LOXL2: variants seen among roughly 807,000 people sequenced by gnomAD.
The protein encoded by LOXL2 is lysyl oxidase like 2, also known as lysyl oxidase homolog 2.
A neutral mutation model predicts 93.0 loss-of-function variants in LOXL2; 70 were observed. That is an observed-to-expected ratio of 0.75 (90% CI 0.62 to 0.92). The LOEUF (loss-of-function observed/expected upper bound fraction) is 0.92, where lower values mean the gene tolerates loss of function less well. Ranked by LOEUF, LOXL2 falls within the 40% of genes least tolerant of loss-of-function variation. The probability of loss-of-function intolerance (pLI) is 0.00; values close to 1 mark genes in which losing one functional copy is unlikely to be tolerated. For missense variants in LOXL2, 973 were observed against 1,054.9 expected, an observed-to-expected ratio of 0.92 and a Z score of 1.08; for synonymous variants, 438 against 413.2, an observed-to-expected ratio of 1.06 and a Z score of -0.73.
chr8:23,364,947 C>T (rs1024348063), intron 2 of LOXL2: 1 of 152,228 alleles, frequency 6.6e-6, no homozygotes, highest in African/African-American at 2.4e-5. Context: ...ATAGGCTTAG[C>T]CTCCTGATTC....
chr8:23,346,343 C>T (rs1248162903), intron 3 of LOXL2, among the ~76,000 whole-genome samples: 1 of 152,118 alleles, frequency 6.6e-6, no homozygotes, highest in African/African-American at 2.4e-5. Flanking sequence ...CTCCAGAAAG[C>T]TTCCCTCCAA....
chr8:23,386,873 ACAGG>A (rs967593365), intron 1 of LOXL2, among the ~76,000 whole-genome samples: 1 of 152,160 alleles, frequency 6.6e-6, no homozygotes, highest in Admixed American at 6.5e-5. Flanking sequence ...TGCGGCTTTC[ACAGG>A]CACGCAAGGG....
At chr8:23,367,902 G>A in intron 2 of LOXL2, 95 bp downstream of exon 2, 1 of 972,792 alleles carries the variant, frequency 1.0e-6, no homozygotes, top group South Asian at 1.5e-5. Flanking sequence ...ACACTTCGCA[G>A]TGCGTGCAGC....
chr8:23,335,162 C>T (rs1422322110), intron 4 of LOXL2, among the ~76,000 whole-genome samples: 1 of 152,100 alleles, frequency 6.6e-6, no homozygotes, highest in Non-Finnish European at 1.5e-5. Context: ...CAAGTCATAT[C>T]ATTGTAAGGA....
rs1377172013 is a variant in LOXL2 at position 23,399,186 on chromosome 8, A to T, written c.-84+4768T>A. Among the ~76,000 whole-genome samples the T allele has an allele frequency of 2.6e-5, 4 of 152,276 alleles. No individual in the cohort carries two copies. The East Asian group carries it at 5.8e-4, about 22-fold the overall frequency. ...CTCGGGCCACTTCATCTGAGGCCTC[A>T]TGGACCACCCAGGGTGTGACTGCCA... On this transcript the variant is annotated intron_variant, in intron 1 of 13. Transcript: ENST00000389131.
chr8:23,322,219 A>G lies in LOXL2; in HGVS notation c.1213T>C (p.Cys405Arg). Residue 405 changes from cysteine (C) to arginine (R), a missense_variant, in exon 7 of 14, where the codon TGC becomes CGC. Coordinates refer to ENST00000389131, the MANE Select transcript of LOXL2 (RefSeq NM_002318.3). ...CCCTGAGACTCGGCATTGAACTTGC[A>G]GTCTATAATGGACTTCTCATTGCCT... ...CTGNEKSIID[C>R]KFNAESQGCN... 6.2e-7 allele frequency: 1 copy of G among 1,614,210 alleles called. No homozygotes were observed. The highest frequency in any genetic ancestry group is 8.5e-7 in the Non-Finnish European group (1 of 1,180,026).
intron 3 of LOXL2, among the ~76,000 whole-genome samples, chr8:23,345,370 C>G (rs1803953412): frequency 6.6e-6 from 1 of 152,200 alleles, no homozygotes; most frequent in South Asian, 2.1e-4. Flanking sequence ...TCCCCTTCAA[C>G]CAGCTGAAGG....
rs1193910282 is a variant in LOXL2, at chr8:23,341,147, G to C, written c.588C>G (p.Arg196=). The C allele has an allele frequency of 6.2e-7, 1 of 1,613,872 alleles. No individual in the cohort carries two copies. Among genetic ancestry groups the C allele is most frequent in the East Asian group, 2.2e-5 (1 of 44,882 alleles). The change falls in exon 4 of 14, where the codon CGC becomes CGG. Residue 196 remains arginine (R), a synonymous_variant. Transcript: ENST00000389131. ...IRIRAILSTY[R]KRTPVMEGYV... Reference sequence around the variant, plus strand: ...AGCCCTCCATCACTGGGGTGCGCTTGCGGTAGGTTGAGAGGATGGCTCGAA... The same window carrying C: ...AGCCCTCCATCACTGGGGTGCGCTTCCGGTAGGTTGAGAGGATGGCTCGAA...
At chr8:23,363,859 G>A in intron 2 of LOXL2, 1 of 152,252 alleles carries the variant, frequency 6.6e-6, no homozygotes, top group Non-Finnish European at 1.5e-5. Flanking sequence ...TACTCGTTTG[G>A]CCTGATTTCA....
intron 9 of LOXL2, among the ~76,000 whole-genome samples, chr8:23,313,370 G>A (rs1182972457): frequency 6.6e-6 from 1 of 152,154 alleles, no homozygotes; most frequent in Admixed American, 6.5e-5. Context: ...CAAAGCTGGA[G>A]GCATCACACT....
chr8:23,355,416 T>C (rs1055575138), intron 3 of LOXL2, among the ~76,000 whole-genome samples: 8 of 151,666 alleles, frequency 5.3e-5, no homozygotes, highest in Admixed American at 5.3e-4. Flanking sequence ...CTGGTTAAGA[T>C]CTGGATCCAG....
At chr8:23,339,714 G>T (rs1803849570) in intron 4 of LOXL2, among the ~76,000 whole-genome samples, 1 of 152,226 alleles carries the variant, frequency 6.6e-6, no homozygotes, top group East Asian at 1.9e-4. Flanking sequence ...AGTCGGGTGG[G>T]AGTTCTCCAA....
At position 23,302,026 on chromosome 8, in the gene LOXL2, C is replaced by A. The variant is rs200988156; in HGVS notation, c.2133+1G>T. On this transcript the variant is annotated splice_donor_variant, in intron 12 of 13. Transcript: ENST00000389131. LOFTEE classifies it high-confidence loss of function. The stretch of plus-strand genomic sequence containing the variant: ...CTGGAACCCCTTCCCACCCACCTCA[C>A]CTGGAACAGGTAGTCTCCAGGGGGC... 1 of 1,613,976 alleles carries A rather than the reference C, an allele frequency of 6.2e-7. No homozygotes were observed. Among genetic ancestry groups the A allele is most frequent in the East Asian group, 2.2e-5 (1 of 44,884 alleles).
chr8:23,362,250 G>T (rs979912766), intron 2 of LOXL2, among the ~76,000 whole-genome samples: 1 of 152,200 alleles, frequency 6.6e-6, no homozygotes, highest in African/African-American at 2.4e-5. Context: ...AATATTGTAT[G>T]GGGTATCTAG....
At chr8:23,338,426 G>A (rs1384831969) in intron 4 of LOXL2, among the ~76,000 whole-genome samples, 1 of 152,018 alleles carries the variant, frequency 6.6e-6, no homozygotes, top group South Asian at 2.1e-4. Context: ...GGGGTGGGGG[G>A]GCCCAAGGTG....
chr8:23,400,016 C>A (rs909247223), intron 1 of LOXL2, among the ~76,000 whole-genome samples: 43 of 152,208 alleles, frequency 2.8e-4, no homozygotes, highest in African/African-American at 9.9e-4. Context: ...AAGCAACAAG[C>A]GTAACAGCAG....
chr8:23,396,652 ACT>A (rs1195289439), intron 1 of LOXL2, among the ~76,000 whole-genome samples: 1 of 150,970 alleles, frequency 6.6e-6, no homozygotes, highest in Non-Finnish European at 1.5e-5. Context: ...TTATAAACTG[ACT>A]CTTTCAAATC....
In LOXL2 at chr8:23,334,003, T is replaced by C. The variant is rs1298397785; in HGVS notation, c.744-380A>G. Among the ~76,000 whole-genome samples the C allele has an allele frequency of 2.6e-5, 4 of 152,304 alleles. 1 individual carries two copies. In the East Asian group the frequency reaches 7.7e-4, roughly 29 times the overall value. On this transcript the variant is annotated intron_variant, in intron 4 of 13. Coordinates refer to ENST00000389131, the MANE Select transcript of LOXL2 (RefSeq NM_002318.3). ...ACCCCTCACAGTCGAAGGTAAACCA[T>C]GTTTACCCTAACTCTTCAGATAATT...
Position 23,322,204 on chromosome 8 carries a change from C to T in LOXL2, c.1228G>A (p.Glu410Lys), listed in dbSNP as rs558284783. ...KSIIDCKFNA[E>K]SQGCNHEEDA... is the part of the protein sequence containing the mutation. ...TCCTCGTGGTTGCAGCCCTGAGACT[C>T]GGCATTGAACTTGCAGTCTATAATG... is the stretch of plus-strand genomic sequence containing the variant. The change falls in exon 7 of 14, where the codon GAG becomes AAG. Residue 410 changes from glutamate (E) to lysine (K), a missense_variant. Coordinates refer to ENST00000389131, the MANE Select transcript of LOXL2 (RefSeq NM_002318.3). 1.2e-4 allele frequency: 191 copies of T among 1,614,124 alleles called. 1 individual carries two copies. Among genetic ancestry groups the T allele is most frequent in the South Asian group, 4.3e-4 (39 of 91,074 alleles).
Sources: allele counts gnomAD v4.1 joint callset (sites outside exome capture counted in the v4.1 genomes callset), GRCh38; gene constraint gnomAD v4.1.1; transcripts MANE v1.5; gene names NCBI Gene and HGNC (gene_info 2026-07-23, HGNC 2026-07-21).